Variants in AUTS2 observed in about 807,000 individuals in gnomAD.
AUTS2 encodes activator of transcription and developmental regulator AUTS2.
Under a neutral mutation model 112.4 loss-of-function variants are expected in AUTS2, and 17 were observed. That is an observed-to-expected ratio of 0.15 (90% confidence interval 0.10 to 0.23). The LOEUF is 0.23. AUTS2 is among the 10% of genes least tolerant of loss of function. The pLI, the probability that AUTS2 is intolerant of heterozygous loss-of-function variation, is 1.00. For missense variants in AUTS2, 1,510 were observed against 1,701.6 expected (o/e 0.89, Z 1.98); for synonymous variants, 751 against 702.7 (o/e 1.07, Z -1.09).
At chr7:70,763,504 CGGG>C (rs761063684) in intron 7 of AUTS2, among the ~76,000 whole-genome samples, 163 bp downstream of exon 7, 62 of 152,154 alleles carry the variant, frequency 4.1e-4, no homozygotes, top group Non-Finnish European at 6.9e-4. Context: ...GGGTGAGACT[CGGG>C]TCTCTTGGGA....
chr7:70,262,800 A>T (rs1199390606), intron 4 of AUTS2, among the ~76,000 whole-genome samples: 1 of 152,176 alleles, frequency 6.6e-6, no homozygotes, highest in Non-Finnish European at 1.5e-5. Context: ...TCTCTTTAAT[A>T]AGTGGCCACA....
At position 69,684,225 on chromosome 7, in the gene AUTS2, G is replaced by C. The variant is rs142299395; in HGVS notation, c.309+84263G>C. ...AACTGGAGAAAGGAGAGACTAGGAG[G>C]CTGTTTTGATAATCCACATGTGAGG... On this transcript the variant is annotated intron_variant, in intron 1 of 18. Coordinates refer to ENST00000342771, the MANE Select transcript of AUTS2 (RefSeq NM_015570.4). Among the ~76,000 whole-genome samples the C allele has an allele frequency of 3.0e-3, 456 of 152,248 alleles. 1 individual carries two copies. The highest frequency in any genetic ancestry group is 4.9e-3 in the Non-Finnish European group (335 of 68,002).
chr7:70,678,579 C>T (rs1264169072), intron 5 of AUTS2, among the ~76,000 whole-genome samples: 1 of 152,236 alleles, frequency 6.6e-6, no homozygotes, highest in African/African-American at 2.4e-5. Flanking sequence ...GAGACAGGTA[C>T]AGTATGTTTT....
At chr7:69,794,752 T>C (rs1370821587) in intron 1 of AUTS2, among the ~76,000 whole-genome samples, 1 of 152,036 alleles carries the variant, frequency 6.6e-6, no homozygotes, top group Non-Finnish European at 1.5e-5. Flanking sequence ...CCTGTGCAAC[T>C]GAGGGGACGG....
chr7:70,234,469 A>G (rs1230372766), intron 4 of AUTS2, among the ~76,000 whole-genome samples: 1 of 152,090 alleles, frequency 6.6e-6, no homozygotes, highest in East Asian at 1.9e-4. Flanking sequence ...CATTTATTGC[A>G]TGTTTATGTG....
At chr7:70,425,069 T>A (rs1795377170) in intron 4 of AUTS2, among the ~76,000 whole-genome samples, 1 of 152,136 alleles carries the variant, frequency 6.6e-6, no homozygotes, top group Admixed American at 6.5e-5. Flanking sequence ...TCCTTTAGCT[T>A]GAGATGGACA....
chr7:70,223,008 C>G (rs1238481946), intron 4 of AUTS2, among the ~76,000 whole-genome samples: 1 of 151,450 alleles, frequency 6.6e-6, no homozygotes, highest in Non-Finnish European at 1.5e-5. Flanking sequence ...CTGCCTCAGT[C>G]TCCTGAGTAG....
chr7:70,382,930 G>A (rs1173108545), intron 4 of AUTS2, among the ~76,000 whole-genome samples: 1 of 152,110 alleles, frequency 6.6e-6, no homozygotes, highest in Non-Finnish European at 1.5e-5. Context: ...GTATCACCCA[G>A]AGATATCTGG....
At chr7:70,466,710 A>C (rs1353164755) in intron 5 of AUTS2, among the ~76,000 whole-genome samples, 2 of 152,264 alleles carry the variant, frequency 1.3e-5, no homozygotes, top group African/African-American at 4.8e-5. Context: ...TTTAAACATT[A>C]GTGTGAGACA....
At chr7:69,908,888 C>T (rs1053475458) in intron 2 of AUTS2, among the ~76,000 whole-genome samples, 1 of 152,100 alleles carries the variant, frequency 6.6e-6, no homozygotes, top group Non-Finnish European at 1.5e-5. Flanking sequence ...CTTTGAACCC[C>T]TATGTCAGAG....
chr7:70,300,675 G>A (rs1206891436), intron 4 of AUTS2, among the ~76,000 whole-genome samples: 1 of 152,168 alleles, frequency 6.6e-6, no homozygotes, highest in East Asian at 1.9e-4. Context: ...AGTGTCACAA[G>A]GAAGAACGAT....
At chr7:70,230,516 A>G (rs1811991426) in intron 4 of AUTS2, among the ~76,000 whole-genome samples, 1 of 152,230 alleles carries the variant, frequency 6.6e-6, no homozygotes, top group Admixed American at 6.5e-5. Flanking sequence ...TGATGGATCC[A>G]TAAATGATTT....
chr7:70,754,835 A>C (rs1323825043), intron 6 of AUTS2, among the ~76,000 whole-genome samples: 1 of 151,470 alleles, frequency 6.6e-6, no homozygotes, highest in African/African-American at 2.4e-5. Flanking sequence ...ATGTTCTAGG[A>C]GCTAGTGCCC....
chr7:69,703,173 G>A (rs1356608791), intron 1 of AUTS2, among the ~76,000 whole-genome samples: 2 of 152,118 alleles, frequency 1.3e-5, no homozygotes, highest in Non-Finnish European at 2.9e-5. Flanking sequence ...GGGAGCAGGT[G>A]GCATGCATGG....
intron 1 of AUTS2, among the ~76,000 whole-genome samples, chr7:69,812,669 C>G (rs957528500): frequency 6.6e-6 from 1 of 152,116 alleles, no homozygotes; most frequent in African/African-American, 2.4e-5. Context: ...AAGTCTCTAT[C>G]TGGTTTTTTT....
At chr7:70,664,589 A>G (rs1396310244) in intron 5 of AUTS2, among the ~76,000 whole-genome samples, 3 of 152,200 alleles carry the variant, frequency 2.0e-5, no homozygotes, top group Non-Finnish European at 2.9e-5. Flanking sequence ...CTGAATGCCT[A>G]ATCACTAAAG....
intron 3 of AUTS2, chr7:70,120,305 GATA>G (rs1341031343): frequency 6.6e-6 from 1 of 152,070 alleles, no homozygotes; most frequent in Admixed American, 6.6e-5. Flanking sequence ...ATTAGTTATA[GATA>G]ATAACCTCCC....
chr7:70,507,523 G>A lies in AUTS2; in HGVS notation c.690+71742G>A, dbSNP rs560695850. Reference sequence around the variant, plus strand: ...TAAAAAAAAGTAACTAAGGCCGGGCGCAGTGGCTCACACCTATAATCCCAG... The same window carrying A: ...TAAAAAAAAGTAACTAAGGCCGGGCACAGTGGCTCACACCTATAATCCCAG... On this transcript the variant is annotated intron_variant, in intron 5 of 18. Coordinates refer to ENST00000342771, the MANE Select transcript of AUTS2 (RefSeq NM_015570.4). Among the ~76,000 whole-genome samples, 182 of 152,182 alleles carry A rather than the reference G, an allele frequency of 1.2e-3. 1 individual carries two copies. Among genetic ancestry groups the A allele is most frequent in the African/African-American group, 3.8e-3 (157 of 41,510 alleles).
intron 5 of AUTS2, among the ~76,000 whole-genome samples, chr7:70,671,664 C>CA (rs200940453): frequency 2.0e-5 from 3 of 152,122 alleles, no homozygotes; most frequent in South Asian, 2.1e-4. Context: ...AATAACCCCC[C>CA]CTATGAATGA....
Sources: gnomAD v4.1 joint callset for allele counts (sites outside exome capture counted in the v4.1 genomes callset) on GRCh38, gnomAD v4.1.1 for gene constraint, MANE v1.5 for transcripts, NCBI Gene and HGNC (gene_info 2026-07-23, HGNC 2026-07-21) for gene names.